AATK: variants seen among roughly 807,000 people sequenced by gnomAD.
AATK encodes the protein lemur tail kinase 1, also known as serine/threonine-protein kinase LMTK1.
AATK carries 91 observed loss-of-function variants against 114.3 expected under a neutral mutation model. That is an observed-to-expected ratio of 0.80 (90% CI 0.67 to 0.95). The LOEUF is 0.95. Among genes scored for constraint, AATK ranks in the 40% least tolerant of loss-of-function variants. The probability of loss-of-function intolerance (pLI) is 0.00; values close to 1 mark genes in which losing one functional copy is unlikely to be tolerated. For missense variants in AATK, 2,176 were observed against 1,965.2 expected, an observed-to-expected ratio of 1.11 and a Z score of -2.03; for synonymous variants, 1,075 against 916.5, an observed-to-expected ratio of 1.17 and a Z score of -3.12.
chr17:81,123,791 CTGGG>C (rs2060738322), intron 9 of AATK, among the ~76,000 whole-genome samples: 1 of 152,056 alleles, frequency 6.6e-6, no homozygotes, highest in Non-Finnish European at 1.5e-5. Context: ...ATGGGCAGGG[CTGGG>C]TAACAGGCAG....
chr17:81,133,497 T>C (rs74002051), intron 2 of AATK, among the ~76,000 whole-genome samples: 1,785 of 152,242 alleles, frequency 0.012, 43 homozygotes, highest in African/African-American at 0.041. Flanking sequence ...CCTCCCTCCC[T>C]GACTTCTCCT....
Position 81,118,357 on chromosome 17 carries a change from G to A in AATK, c.*45C>T. 1.9e-6 allele frequency: 3 copies of A among 1,570,704 alleles called. No individual in the cohort carries two copies. Among genetic ancestry groups the A allele is most frequent in the Non-Finnish European group, 2.6e-6 (3 of 1,157,552 alleles). ...CACCATCCTCGCTGCTGCCTGGCAG[G>A]GGCTCCGGTGACGCCAGCCTTGAGG... On this transcript the variant is annotated 3_prime_UTR_variant, in exon 14 of 14. Transcript: ENST00000326724.
intron 2 of AATK, chr17:81,132,675 C>T (rs775528186): frequency 6.3e-5 from 20 of 317,358 alleles, no homozygotes; most frequent in South Asian, 4.2e-4. Flanking sequence ...GGGGGCCAGC[C>T]GGGTCCTGCC....
At chr17:81,157,721 A>G (rs1189399628) in intron 1 of AATK, among the ~76,000 whole-genome samples, 2 of 152,194 alleles carry the variant, frequency 1.3e-5, no homozygotes, top group African/African-American at 4.8e-5. Flanking sequence ...GGCTGGTCCA[A>G]GGGTGGGAAG....
At chr17:81,150,004 G>A (rs543498010) in intron 1 of AATK, among the ~76,000 whole-genome samples, 134 of 152,194 alleles carry the variant, frequency 8.8e-4, no homozygotes, top group African/African-American at 2.9e-3. Flanking sequence ...GGACCACTGC[G>A]GACCAGCCTG....
In AATK at chr17:81,119,443, G is replaced by A. The variant is rs773871108; in HGVS notation, c.4021C>T (p.Pro1341Ser). 15 of 1,519,556 alleles carry A rather than the reference G, an allele frequency of 9.9e-6. No individual in the cohort carries two copies. The South Asian group carries it at 1.9e-4, about 19-fold the overall frequency. 94.1% of individuals were successfully genotyped at this position (1,519,556 alleles called of 1,614,324 possible). A position where few individuals can be genotyped will look rare whatever the true frequency, so the allele number is the denominator to read the frequency against. Reference sequence around the variant, plus strand: ...ATGGAGAAGCGGGACGTGGGCGCGGGCGACACCGTGAAGCGCGAGAAGGGA... The same window carrying A: ...ATGGAGAAGCGGGACGTGGGCGCGGACGACACCGTGAAGCGCGAGAAGGGA... ...PAPFSRFTVS[P>S]APTSRFSITH... Residue 1341 changes from proline to serine, a missense_variant, in exon 13 of 14, where the codon CCC (proline) becomes TCC (serine). Pro to Ser is a moderately conservative substitution (Grantham distance 74). This residue lies in a region of AATK where 1,701 missense variants were observed against 1,394.7 expected (regional missense o/e 1.22). Transcript: ENST00000326724.
At chr17:81,132,696 G>A in intron 2 of AATK, 1 of 331,858 alleles carries the variant, frequency 3.0e-6, no homozygotes, top group Non-Finnish European at 6.2e-6. Context: ...GATACAGCGT[G>A]CAATCAGGTA....
In AATK at chr17:81,120,410, G is replaced by T; in HGVS notation, c.3526C>A (p.Arg1176Ser). 1 of 1,593,620 alleles carries T rather than the reference G, an allele frequency of 6.3e-7. No individual in the cohort carries two copies. Among genetic ancestry groups the T allele is most frequent in the Non-Finnish European group, 8.6e-7 (1 of 1,168,262 alleles). ...EDSDESDEEL[R>S]CYSVQEPSED... ...CTAGGCTCCTGGACGCTGTAGCAGC[G>T]GAGCTCCTCGTCAGACTCGTCGCTG... is the stretch of plus-strand genomic sequence containing the variant. The change falls in exon 11 of 14, where the codon CGC becomes AGC. Residue 1176 changes from arginine (R) to serine (S), a missense_variant. By Grantham distance (110) the Arg-to-Ser change is moderately radical. Transcript: ENST00000326724.
intron 6 of AATK, 37 bp downstream of exon 6, chr17:81,127,546 A>G: frequency 6.4e-7 from 1 of 1,559,836 alleles, no homozygotes; most frequent in African/African-American, 1.4e-5. Context: ...GCCCCGGCTC[A>G]GCAAAGACCC....
At chr17:81,127,365 AGCCCAGGCCTGTTCTGT>A in intron 6 of AATK, among the ~76,000 whole-genome samples, 1 of 152,076 alleles carries the variant, frequency 6.6e-6, no homozygotes, top group African/African-American at 2.4e-5. Context: ...AGGGAGCCCC[AGCCCAGGCCTGTTCTGT>A]GCCCAGCCCC....
At chr17:81,134,328 G>A in intron 2 of AATK, 40 bp downstream of exon 2, 3 of 1,610,316 alleles carry the variant, frequency 1.9e-6, no homozygotes, top group Non-Finnish European at 2.5e-6. Flanking sequence ...GGCCTTGCCT[G>A]CGGGATCCCA....
intron 1 of AATK, among the ~76,000 whole-genome samples, chr17:81,134,924 T>C (rs1272864897): frequency 6.6e-6 from 1 of 152,194 alleles, no homozygotes; most frequent in Non-Finnish European, 1.5e-5. Context: ...TGCTGGCTGC[T>C]ATCTGCTGGC....
chr17:81,129,108 C>T (rs1030991634), intron 3 of AATK, among the ~76,000 whole-genome samples: 6 of 152,216 alleles, frequency 3.9e-5, no homozygotes, highest in African/African-American at 1.4e-4. Flanking sequence ...AAGGGGCCAG[C>T]GCTGGCAGAG....
At chr17:81,153,131 C>T (rs1037957908) in intron 1 of AATK, among the ~76,000 whole-genome samples, 1 of 152,184 alleles carries the variant, frequency 6.6e-6, no homozygotes, top group South Asian at 2.1e-4. Flanking sequence ...CATGAGCCAC[C>T]GCACCTGGCC....
Position 81,120,687 on chromosome 17 carries a change from G to T in AATK, c.3249C>A (p.Pro1083=). The T allele has an allele frequency of 6.6e-7, 1 of 1,513,694 alleles. No homozygotes were observed. Among genetic ancestry groups the T allele is most frequent in the Non-Finnish European group, 8.8e-7 (1 of 1,131,490 alleles). 93.8% of individuals were successfully genotyped at this position (1,513,694 alleles called of 1,614,324 possible). The change falls in exon 11 of 14, where the codon CCC becomes CCA. Residue 1083 remains proline, a synonymous_variant. Transcript: ENST00000326724. The part of the protein sequence containing the change: ...PSGLVPEPPE[P]QGPAKVRPGP... ...CAGGCCGCACCTTGGCTGGGCCTTG[G>T]GGCTCCGGAGGCTCTGGGACCAGGC...
In AATK at chr17:81,148,923, G is replaced by T. The variant is rs2061259068; in HGVS notation, c.56-14422C>A. Among the ~76,000 whole-genome samples the T allele has an allele frequency of 2.0e-5, 3 of 152,278 alleles. No individual in the cohort carries two copies. In the South Asian group the frequency reaches 6.2e-4, roughly 32 times the overall value. On this transcript the variant is annotated intron_variant, in intron 1 of 13. Coordinates refer to ENST00000326724, the MANE Select transcript of AATK (RefSeq NM_001080395.3). ...CCTGCTAGTGAGGAGCTTGGGAATA[G>T]CCCCCAGTTGGGCAGTTGGCGAGGT... is the stretch of plus-strand genomic sequence containing the variant.
chr17:81,140,280 C>G (rs2061103057), intron 1 of AATK, among the ~76,000 whole-genome samples: 1 of 152,212 alleles, frequency 6.6e-6, no homozygotes, highest in South Asian at 2.1e-4. Flanking sequence ...TTTTTCGTAT[C>G]AGTGCTCAAG....
intron 1 of AATK, among the ~76,000 whole-genome samples, chr17:81,142,207 C>T (rs956614526): frequency 6.6e-6 from 1 of 152,100 alleles, no homozygotes; most frequent in African/African-American, 2.4e-5. Context: ...GATCCACCCA[C>T]CTTGGCCTCC....
At position 81,126,131 on chromosome 17, in the gene AATK, T is replaced by C. The variant is rs1027348072; in HGVS notation, c.755+296A>G. On this transcript the variant is annotated intron_variant, in intron 7 of 13. Coordinates refer to ENST00000326724, the MANE Select transcript of AATK (RefSeq NM_001080395.3). The surrounding 1 kb of genome is among the most constrained non-coding windows in gnomAD (Gnocchi z 5.1). ...GCCCCAAAGCGAGGGCTTAGCAGAG[T>C]GTGGGGTTGGCGCGGGGCTGCAGGG... Among the ~76,000 whole-genome samples, 1 of 151,764 alleles carries C rather than the reference T, an allele frequency of 6.6e-6. No individual in the cohort carries two copies. Among genetic ancestry groups the C allele is most frequent in the African/African-American group, 2.4e-5 (1 of 41,296 alleles).
Sources: allele counts gnomAD v4.1 joint callset (sites outside exome capture counted in the v4.1 genomes callset), GRCh38; gene constraint gnomAD v4.1.1; regional missense constraint gnomAD v4.1.1; non-coding constraint Gnocchi (gnomAD v3.1); transcripts MANE v1.5; gene names NCBI Gene and HGNC (gene_info 2026-07-23, HGNC 2026-07-21).